Variants in PAX3 observed in about 807,000 individuals in gnomAD.
The protein encoded by PAX3 is paired box 3, also known as paired box protein Pax-3.
PAX3 carries 14 observed loss-of-function variants against 51.6 expected under a neutral mutation model. That is an observed-to-expected ratio of 0.27 (90% CI 0.18 to 0.42). The LOEUF is 0.42. PAX3 is among the 10% of genes least tolerant of loss of function. The pLI, the probability that PAX3 is intolerant of heterozygous loss-of-function variation, is 1.00. For synonymous variants in PAX3, 280 were observed against 253.4 expected (o/e 1.11, Z -1.00); for missense variants, 540 against 642.8 (o/e 0.84, Z 1.73).
intron 4 of PAX3, among the ~76,000 whole-genome samples, chr2:222,252,413 GA>G (rs1055001202): frequency 5.3e-5 from 8 of 152,092 alleles, no homozygotes; most frequent in African/African-American, 1.7e-4. Context: ...TTTACAGATT[GA>G]AAAAACGAGG....
At chr2:222,286,525 A>G (rs1038993560) in intron 4 of PAX3, among the ~76,000 whole-genome samples, 1 of 152,252 alleles carries the variant, frequency 6.6e-6, no homozygotes, top group Non-Finnish European at 1.5e-5. Context: ...GACTACTTCA[A>G]TCAACTTACT....
intron 4 of PAX3, among the ~76,000 whole-genome samples, chr2:222,246,748 C>T (rs1693244323): frequency 6.6e-6 from 1 of 152,172 alleles, no homozygotes; most frequent in African/African-American, 2.4e-5. Flanking sequence ...GTAAATAAAA[C>T]TCTTTCCTCC....
intron 5 of PAX3, among the ~76,000 whole-genome samples, chr2:222,223,887 A>G (rs528110692): frequency 6.6e-6 from 1 of 152,258 alleles, no homozygotes; most frequent in African/African-American, 2.4e-5. Context: ...GCCTTCTGTA[A>G]CCTTTAGATA....
chr2:222,296,628 G>A (rs910889699), intron 2 of PAX3, among the ~76,000 whole-genome samples: 2 of 152,128 alleles, frequency 1.3e-5, no homozygotes, highest in African/African-American at 2.4e-5. Context: ...GGTGGGAGCC[G>A]GGAAGACACT....
At chr2:222,297,523 G>A (rs1695368596) in intron 1 of PAX3, among the ~76,000 whole-genome samples, 1 of 152,226 alleles carries the variant, frequency 6.6e-6, no homozygotes, top group African/African-American at 2.4e-5. Flanking sequence ...AGCTGGTAGA[G>A]AGTCTAGCTT....
At chr2:222,279,816 G>A (rs879528045) in intron 4 of PAX3, among the ~76,000 whole-genome samples, 1 of 152,052 alleles carries the variant, frequency 6.6e-6, no homozygotes, top group Non-Finnish European at 1.5e-5. Flanking sequence ...AGCCAACAAA[G>A]ATTCAGAAAA....
Position 222,201,355 on chromosome 2 carries a change from A to G in PAX3, c.*53T>C, listed in dbSNP as rs1175049555. ...TTTTCAGAGCAGATTCTTCATATCT[A>G]GGCTGCGAAGACCAGAAACAGGGCC... On this transcript the variant is annotated 3_prime_UTR_variant, in exon 9 of 9. Coordinates refer to ENST00000392070, the MANE Select transcript of PAX3 (RefSeq NM_181458.4). 3 of 1,610,580 alleles carry G rather than the reference A, an allele frequency of 1.9e-6. No individual in the cohort carries two copies. The highest frequency in any genetic ancestry group is 2.5e-6 in the Non-Finnish European group (3 of 1,179,718).
intron 4 of PAX3, chr2:222,264,712 T>TA (rs1403869120): frequency 6.6e-6 from 1 of 152,244 alleles, no homozygotes; most frequent in African/African-American, 2.4e-5. Context: ...GTTAAGTTGT[T>TA]AAATTCCAAA....
At position 222,200,675 on chromosome 2, in the gene PAX3, A is replaced by G. The variant is rs1187023377; in HGVS notation, c.*733T>C. On this transcript the variant is annotated 3_prime_UTR_variant, in exon 9 of 9. Transcript: ENST00000392070. ...AATAAATGTGAACTGGAAAAACGTCACACACCTCTCCCCACACAGGAAAGG... is the reference window on the plus strand; with the variant it reads ...AATAAATGTGAACTGGAAAAACGTCGCACACCTCTCCCCACACAGGAAAGG... 5 of 256,342 alleles carry G rather than the reference A, an allele frequency of 2.0e-5. No individual in the cohort carries two copies. The allele number at this position is 256,342 out of a possible 1,614,324, so 15.9% of individuals were successfully genotyped here.
chr2:222,228,150 C>T (rs1353778683), intron 5 of PAX3, among the ~76,000 whole-genome samples: 3 of 152,022 alleles, frequency 2.0e-5, no homozygotes, highest in East Asian at 3.9e-4. Flanking sequence ...CTTTTTCCTG[C>T]TGGGTTAAGT....
In PAX3 at chr2:222,296,985, T is replaced by TTGC. The variant is rs752828545; in HGVS notation, c.311_313dup (p.Ser104dup). The TTGC allele has an allele frequency of 6.2e-7, 1 of 1,612,978 alleles. No homozygotes were observed. On this transcript the variant is annotated inframe_insertion, in exon 2 of 9. Coordinates refer to ENST00000392070, the MANE Select transcript of PAX3 (RefSeq NM_181458.4). ...CAAGGCCCGCCCGCTCACCTTGGGC[T>TTGC]TGCTGCCGCCGATGGCACCAGGACG...
intron 4 of PAX3, among the ~76,000 whole-genome samples, chr2:222,235,010 C>G (rs972835861): frequency 1.3e-5 from 2 of 152,154 alleles, no homozygotes; most frequent in Non-Finnish European, 2.9e-5. Flanking sequence ...TGTACATTCT[C>G]TTACTATGAT....
chr2:222,217,145 C>G (rs968139116), intron 7 of PAX3, among the ~76,000 whole-genome samples: 1 of 152,158 alleles, frequency 6.6e-6, no homozygotes, highest in Non-Finnish European at 1.5e-5. Flanking sequence ...CAAAGATACT[C>G]ATGGTAGTTG....
At chr2:222,236,619 C>T (rs1390966336) in intron 4 of PAX3, among the ~76,000 whole-genome samples, 2 of 152,066 alleles carry the variant, frequency 1.3e-5, no homozygotes, top group Non-Finnish European at 2.9e-5. Flanking sequence ...TCTTTTTTCT[C>T]TATAGAATAT....
At chr2:222,233,296 A>G (rs1343059323) in intron 4 of PAX3, among the ~76,000 whole-genome samples, 3 of 152,090 alleles carry the variant, frequency 2.0e-5, no homozygotes, top group Non-Finnish European at 4.4e-5. Context: ...TCACATGTGG[A>G]AGGGAATTTC....
At chr2:222,255,402 A>T (rs1216284729) in intron 4 of PAX3, among the ~76,000 whole-genome samples, 1 of 152,236 alleles carries the variant, frequency 6.6e-6, no homozygotes, top group Non-Finnish European at 1.5e-5. Context: ...CAGCACCTGC[A>T]TCAGAATCAC....
intron 4 of PAX3, among the ~76,000 whole-genome samples, chr2:222,271,225 A>T (rs2106159583): frequency 6.6e-6 from 1 of 152,322 alleles, no homozygotes; most frequent in African/African-American, 2.4e-5. Context: ...CCTTTCATAA[A>T]GCCATGGTTA....
chr2:222,257,348 G>C (rs915286160), intron 4 of PAX3, among the ~76,000 whole-genome samples: 1 of 152,034 alleles, frequency 6.6e-6, no homozygotes, highest in African/African-American at 2.4e-5. Flanking sequence ...AAATATGAAG[G>C]GCCAATTAAT....
At chr2:222,266,421 C>A (rs1694058089) in intron 4 of PAX3, among the ~76,000 whole-genome samples, 2 of 152,126 alleles carry the variant, frequency 1.3e-5, no homozygotes, top group African/African-American at 4.8e-5. Context: ...TATTATTGGC[C>A]CCACTTTATA....
Sources: allele counts gnomAD v4.1 joint callset (sites outside exome capture counted in the v4.1 genomes callset), GRCh38; gene constraint gnomAD v4.1.1; transcripts MANE v1.5; gene names NCBI Gene and HGNC (gene_info 2026-07-23, HGNC 2026-07-21).